Variants in SLC52A1 observed in about 807,000 individuals in gnomAD.
SLC52A1 encodes the protein solute carrier family 52 member 1.
In SLC52A1, 20 loss-of-function variants were observed where a neutral mutation model predicts 23.2. That is an observed-to-expected ratio of 0.86 (90% CI 0.61 to 1.25). The LOEUF (loss-of-function observed/expected upper bound fraction) is 1.25, where lower values mean the gene tolerates loss of function less well. Ranked by LOEUF, SLC52A1 falls within the 50% of genes most tolerant of loss-of-function variation. The pLI, the probability that SLC52A1 is intolerant of heterozygous loss-of-function variation, is 0.00. For missense variants in SLC52A1, 528 were observed against 557.0 expected, an observed-to-expected ratio of 0.95 and a Z score of 0.52; for synonymous variants, 260 against 256.6, an observed-to-expected ratio of 1.01 and a Z score of -0.13.
rs747792931 is a variant in SLC52A1 at position 5,033,150 on chromosome 17, CACAGCACCCACG to C, written c.1142_1153del (p.Ser381_Leu384del). The stretch of plus-strand genomic sequence containing the variant: ...CTTCACATATGAGAACACACACAGA[CACAGCACCCACG>C]ACAGCACCTGCAAGGGAGGACACAG... On this transcript the variant is annotated inframe_deletion, in exon 5 of 5. Transcript: ENST00000254853. 161 of 1,613,804 alleles carry C rather than the reference CACAGCACCCACG, an allele frequency of 1.0e-4. No individual in the cohort carries two copies. The highest frequency in any genetic ancestry group is 1.3e-4 in the Non-Finnish European group (150 of 1,180,034).
chr17:5,034,340 T>A lies in SLC52A1; in HGVS notation c.149A>T (p.Tyr50Phe). The A allele has an allele frequency of 6.3e-7, 1 of 1,581,424 alleles. No homozygotes were observed. The highest frequency in any genetic ancestry group is 8.6e-7 in the Non-Finnish European group (1 of 1,163,666). Residue 50 changes from tyrosine to phenylalanine, a missense_variant, in exon 3 of 5, where the codon TAC becomes TTC. By Grantham distance (22) the Tyr-to-Phe change is conservative. Coordinates refer to ENST00000254853, the MANE Select transcript of SLC52A1 (RefSeq NM_017986.4). ...TCCCAGCGCCACAACCACAGAGAGGTATGAGGGGAGGCTCCAACCTGCAGG... is the reference window on the plus strand; with the variant it reads ...TCCCAGCGCCACAACCACAGAGAGGAATGAGGGGAGGCTCCAACCTGCAGG... ...DLPEGWSLPS[Y>F]LSVVVALGNL...
Position 5,033,107 on chromosome 17 carries a change from C to T in SLC52A1, c.1197G>A (p.Leu399=), listed in dbSNP as rs1455723111. Residue 399 remains leucine, a synonymous_variant, in exon 5 of 5, where the codon CTG becomes CTA. Coordinates refer to ENST00000254853, the MANE Select transcript of SLC52A1 (RefSeq NM_017986.4). ...FSYVKVAASS[L]LHGGGRPALL... is the part of the protein sequence containing the mutation. Reference sequence around the variant, plus strand: ...ATGCCGGCCGACCCCCACCATGCAGCAGGGAGCTTGCAGCCACCTTCACAT... The same window carrying T: ...ATGCCGGCCGACCCCCACCATGCAGTAGGGAGCTTGCAGCCACCTTCACAT... 6.2e-7 allele frequency: 1 copy of T among 1,613,850 alleles called. No homozygotes were observed. The highest frequency in any genetic ancestry group is 8.5e-7 in the Non-Finnish European group (1 of 1,180,034).
chr17:5,033,595 A>C lies in SLC52A1; in HGVS notation c.894T>G (p.Pro298=). The C allele has an allele frequency of 1.1e-5, 18 of 1,614,040 alleles. No individual in the cohort carries two copies. The highest frequency in any genetic ancestry group is 1.4e-5 in the Non-Finnish European group (17 of 1,180,012). ...GCAAACAGGAAAAGCTCTGCACAGA[A>C]GGCAGCACGCCATTGGTCACGGCAC... ...FTSAVTNGVL[P]SVQSFSCLPY... Residue 298 remains proline, a synonymous_variant, in exon 3 of 5, where the codon CCT becomes CCG. Coordinates refer to ENST00000254853, the MANE Select transcript of SLC52A1 (RefSeq NM_017986.4).
upstream of SLC52A1, among the ~76,000 whole-genome samples, chr17:5,035,999 C>T (rs541097395): frequency 4.8e-5 from 7 of 145,752 alleles, 1 homozygote; most frequent in African/African-American, 1.8e-4. Flanking sequence ...GGACTACAGA[C>T]GCACCACACC....
Position 5,034,701 on chromosome 17 carries a change from G to A in SLC52A1, c.-95C>T, listed in dbSNP as rs921677306. 17 of 1,519,918 alleles carry A rather than the reference G, an allele frequency of 1.1e-5. No individual in the cohort carries two copies. Among genetic ancestry groups the A allele is most frequent in the Admixed American group, 2.0e-5 (1 of 50,422 alleles). 94.2% of individuals were successfully genotyped at this position (1,519,918 alleles called of 1,614,324 possible). ...AGATGCTTTGGTTCTTCTGGAAACT[G>A]AAGACCTTCTAGCTGGAGGGAAACA... On this transcript the variant is annotated 5_prime_UTR_variant, in exon 2 of 5. Transcript: ENST00000254853.
chr17:5,034,584 C>A lies in SLC52A1; in HGVS notation c.23G>T (p.Arg8Leu). 1 of 1,614,224 alleles carries A rather than the reference C, an allele frequency of 6.2e-7. No homozygotes were observed. Among genetic ancestry groups the A allele is most frequent in the African/African-American group, 1.3e-5 (1 of 75,076 alleles). Residue 8 changes from arginine (R) to leucine (L), a missense_variant, in exon 2 of 5, where the codon CGT becomes CTT. By Grantham distance (102) the Arg-to-Leu change is moderately radical (BLOSUM62 -2). Transcript: ENST00000254853. Reference protein sequence around the residue: MAAPTLGRLVLTHLLVAL... With the variant: MAAPTLGLLVLTHLLVAL... Reference sequence around the variant, plus strand: ...CACCAGCAGGTGGGTCAGCACCAGACGGCCCAGCGTGGGTGCTGCCATTCA... The same window carrying A: ...CACCAGCAGGTGGGTCAGCACCAGAAGGCCCAGCGTGGGTGCTGCCATTCA...
Position 5,033,127 on chromosome 17 carries a change from T to C in SLC52A1, c.1177A>G (p.Lys393Glu). The stretch of plus-strand genomic sequence containing the variant: ...TGCAGCAGGGAGCTTGCAGCCACCT[T>C]CACATATGAGAACACACACAGACAC... ...VLCLCVFSYV[K>E]VAASSLLHGG... The change falls in exon 5 of 5, where the codon AAG (lysine) becomes GAG (glutamate). Residue 393 changes from lysine (K) to glutamate (E), a missense_variant. By Grantham distance (56) the Lys-to-Glu change is moderately conservative. Coordinates refer to ENST00000254853, the MANE Select transcript of SLC52A1 (RefSeq NM_017986.4). 3 of 1,613,744 alleles carry C rather than the reference T, an allele frequency of 1.9e-6. No homozygotes were observed. The highest frequency in any genetic ancestry group is 2.5e-6 in the Non-Finnish European group (3 of 1,179,994).
In SLC52A1 at chr17:5,033,739, AG is replaced by A. The variant is rs1301835063; in HGVS notation, c.749del (p.Ala250ValfsTer36). 1.9e-6 allele frequency: 3 copies of A among 1,614,126 alleles called. No individual in the cohort carries two copies. The African/African-American group carries it at 4.0e-5, about 22-fold the overall frequency. On this transcript the variant is annotated frameshift_variant, in exon 3 of 5. Coordinates refer to ENST00000254853, the MANE Select transcript of SLC52A1 (RefSeq NM_017986.4). LOFTEE classifies it high-confidence loss of function. The stretch of plus-strand genomic sequence containing the variant: ...GGCTCGGTGGCTCCTGCAATGGCAA[AG>A]CCTCTTCTTCCTCCTTCTCTTCCTC... ...AEEEEKEEEE[A>X]LPLQEPPSQA...
In SLC52A1 at chr17:5,033,610, G is replaced by A; in HGVS notation, c.879C>T (p.Thr293=). 6.2e-7 allele frequency: 1 copy of A among 1,614,016 alleles called. No individual in the cohort carries two copies. The highest frequency in any genetic ancestry group is 8.5e-7 in the Non-Finnish European group (1 of 1,180,014). Residue 293 remains threonine, a synonymous_variant, in exon 3 of 5, where the codon ACC becomes ACT. Transcript: ENST00000254853. ...TCTGCACAGAAGGCAGCACGCCATT[G>A]GTCACGGCACTGGTGAAGGCCATCA... ...LGLMAFTSAV[T]NGVLPSVQSF... is the part of the protein sequence containing the mutation.
At chr17:5,036,569 G>A (rs915200177), upstream of SLC52A1, among the ~76,000 whole-genome samples, 21 of 151,492 alleles carry the variant, frequency 1.4e-4, no homozygotes, top group Non-Finnish European at 2.4e-4. Context: ...CTGCCACCAC[G>A]CCTGGATAAT....
At chr17:5,039,983 G>C (rs2143455646), upstream of SLC52A1, among the ~76,000 whole-genome samples, 1 of 152,302 alleles carries the variant, frequency 6.6e-6, no homozygotes, top group East Asian at 1.9e-4. Flanking sequence ...AGGGAGTCAA[G>C]GAGCCGGCTA....
rs1975431912 is a variant in SLC52A1 at position 5,035,324 on chromosome 17, A to AAAAC, written c.-575_-572dup. ...TTCGGTCTCAAAAACAAAACAAAACAAAACAAAACAAAAAAACAGCTCGGC... is the reference window on the plus strand; with the variant it reads ...TTCGGTCTCAAAAACAAAACAAAACAAAACAAACAAAACAAAAAAACAGCTCGGC... On this transcript the variant is annotated 5_prime_UTR_variant, in exon 1 of 5. Coordinates refer to ENST00000254853, the MANE Select transcript of SLC52A1 (RefSeq NM_017986.4). The AAAAC allele has an allele frequency of 6.6e-6, 1 of 152,580 alleles. No individual in the cohort carries two copies. The highest frequency in any genetic ancestry group is 2.1e-4 in the South Asian group (1 of 4,836). The allele number at this position is 152,580 out of a possible 1,614,324, so 9.5% of individuals were successfully genotyped here.
At chr17:5,039,630 C>T (rs913340061), upstream of SLC52A1, among the ~76,000 whole-genome samples, 2 of 152,110 alleles carry the variant, frequency 1.3e-5, no homozygotes, top group Non-Finnish European at 2.9e-5. Flanking sequence ...CACCACCAAG[C>T]CTGGCTAATT....
upstream of SLC52A1, among the ~76,000 whole-genome samples, chr17:5,039,951 A>G (rs1411242492): frequency 3.3e-5 from 5 of 152,218 alleles, no homozygotes; most frequent in Admixed American, 3.3e-4. Context: ...AGGCCGCGAC[A>G]GGAGAGGCAA....
At position 5,034,118 on chromosome 17, in the gene SLC52A1, G is replaced by T. The variant is rs146289149; in HGVS notation, c.371C>A (p.Ala124Asp). The change falls in exon 3 of 5, where the codon GCC (alanine) becomes GAC (aspartate). Residue 124 changes from alanine to aspartate, a missense_variant. Ala to Asp is a moderately radical substitution (Grantham distance 126, BLOSUM62 -2). Transcript: ENST00000254853. ...FLTLALVLAM[A>D]CCTSNVTFLP... is the part of the protein sequence containing the mutation. ...GAAAGTGACATTAGAGGTACAACAGGCCATTGCCAACACCAAGGCCAGAGT... is the reference window on the plus strand; with the variant it reads ...GAAAGTGACATTAGAGGTACAACAGTCCATTGCCAACACCAAGGCCAGAGT... 2 of 1,614,206 alleles carry T rather than the reference G, an allele frequency of 1.2e-6. No individual in the cohort carries two copies. Among genetic ancestry groups the T allele is most frequent in the Non-Finnish European group, 1.7e-6 (2 of 1,180,036 alleles).
Position 5,033,346 on chromosome 17 carries a change from ATGC to A in SLC52A1, c.1046_1048del (p.Gly349_Met350delinsVal), listed in dbSNP as rs775803921. 1 of 1,614,034 alleles carries A rather than the reference ATGC, an allele frequency of 6.2e-7. No homozygotes were observed. Reference sequence around the variant, plus strand: ...TGCCATCAGGTAGGCCCCAAAGAGCATGCCCAGCAGAGAAAGACCAACCAGCCC... The same window carrying A: ...TGCCATCAGGTAGGCCCCAAAGAGCACCAGCAGAGAAAGACCAACCAGCCC... On this transcript the variant is annotated inframe_deletion, in exon 4 of 5. Transcript: ENST00000254853.
chr17:5,037,564 A>G (rs1975486948), upstream of SLC52A1, among the ~76,000 whole-genome samples: 1 of 152,144 alleles, frequency 6.6e-6, no homozygotes, highest in South Asian at 2.1e-4. Context: ...ATAAAATACT[A>G]TCAGAACACA....
Position 5,034,243 on chromosome 17 carries a change from C to A in SLC52A1, c.246G>T (p.Gln82His), listed in dbSNP as rs771187184. Reference sequence around the variant, plus strand: ...CCACTACACTCAGCACCTGTACCACCTGGATGGGGACCTGCTCGCCCTTGC... The same window carrying A: ...CCACTACACTCAGCACCTGTACCACATGGATGGGGACCTGCTCGCCCTTGC... ...APGKGEQVPIQVVQVLSVVGT... is the reference protein window; with the variant it reads ...APGKGEQVPIHVVQVLSVVGT... Residue 82 changes from glutamine to histidine, a missense_variant, in exon 3 of 5, where the codon CAG (glutamine) becomes CAT (histidine). Coordinates refer to ENST00000254853, the MANE Select transcript of SLC52A1 (RefSeq NM_017986.4). The A allele has an allele frequency of 8.1e-6, 13 of 1,612,852 alleles. No homozygotes were observed. In the South Asian group the frequency reaches 1.4e-4, roughly 18 times the overall value.
upstream of SLC52A1, among the ~76,000 whole-genome samples, chr17:5,035,645 G>A (rs543292545): frequency 6.6e-6 from 1 of 152,192 alleles, no homozygotes; most frequent in Non-Finnish European, 1.5e-5. Flanking sequence ...CCGGGGAGGC[G>A]GCCCAGCCCA....
Sources: allele counts gnomAD v4.1 joint callset (sites outside exome capture counted in the v4.1 genomes callset), GRCh38; gene constraint gnomAD v4.1.1; transcripts MANE v1.5; gene names NCBI Gene and HGNC (gene_info 2026-07-23, HGNC 2026-07-21).